The following CEP164 variants were observed in gnomAD, a reference collection of about 807,000 sequenced individuals.
CEP164 encodes the protein centrosomal protein of 164 kDa.
In CEP164, 162 loss-of-function variants were observed where a neutral mutation model predicts 182.7. The observed-to-expected ratio is 0.89, with a 90% confidence interval of 0.78 to 1.01. CEP164 has a LOEUF of 1.01. Among genes scored for constraint, CEP164 ranks in the 50% least tolerant of loss-of-function variants. The pLI is 0.00. For synonymous variants in CEP164, 661 were observed against 690.0 expected (o/e 0.96, Z 0.66); for missense variants, 1,735 against 1,790.4 (o/e 0.97, Z 0.56).
At chr11:117,358,070 T>C (rs1271522854) in intron 5 of CEP164, among the ~76,000 whole-genome samples, 1 of 152,238 alleles carries the variant, frequency 6.6e-6, no homozygotes, top group African/African-American at 2.4e-5. Flanking sequence ...TTCCCTCTGC[T>C]TCCTAATTGC....
chr11:117,395,511 G>A, intron 23 of CEP164, 36 bp from the exon 24 acceptor site: 10 of 1,582,144 alleles, frequency 6.3e-6, no homozygotes, highest in Non-Finnish European at 8.6e-6. Flanking sequence ...TCTCTGTGCT[G>A]TCTCTGGGTG....
intron 25 of CEP164, among the ~76,000 whole-genome samples, 174 bp from the exon 26 acceptor site, chr11:117,396,376 T>G (rs2045463683): frequency 6.6e-6 from 1 of 152,278 alleles, no homozygotes; most frequent in East Asian, 1.9e-4. Flanking sequence ...GGTCTGTTCT[T>G]ATTCCCAGCT....
chr11:117,355,268 A>G, intron 5 of CEP164: 1 of 1,289,842 alleles, frequency 7.8e-7, no homozygotes, highest in Non-Finnish European at 1.0e-6. Context: ...CCAGAAGGCG[A>G]CAGAGAAAAT....
In CEP164 at chr11:117,371,416, C is replaced by G; in HGVS notation, c.1102C>G (p.Pro368Ala). The G allele has an allele frequency of 6.2e-7, 1 of 1,613,906 alleles. No homozygotes were observed. The highest frequency in any genetic ancestry group is 8.5e-7 in the Non-Finnish European group (1 of 1,179,924). Residue 368 changes from proline to alanine, a missense_variant, in exon 9 of 33, where the codon CCA becomes GCA. Coordinates refer to ENST00000278935, the MANE Select transcript of CEP164 (RefSeq NM_014956.5). Reference sequence around the variant, plus strand: ...CAGGAGGGAAGAGGCAGCCAAGGAGCCAAAGAAGAAGGCTTCTGCTCTGGA... The same window carrying G: ...CAGGAGGGAAGAGGCAGCCAAGGAGGCAAAGAAGAAGGCTTCTGCTCTGGA... ...GSRREEAAKE[P>A]KKKASALEEG...
intron 5 of CEP164, among the ~76,000 whole-genome samples, chr11:117,353,264 C>T (rs1388820303): frequency 6.6e-6 from 1 of 152,216 alleles, no homozygotes; most frequent in East Asian, 1.9e-4. Flanking sequence ...CCAAGCTCCA[C>T]AGACACTTCT....
chr11:117,388,426 A>G (rs2044195418), intron 15 of CEP164, among the ~76,000 whole-genome samples: 1 of 152,222 alleles, frequency 6.6e-6, no homozygotes, highest in Non-Finnish European at 1.5e-5. Context: ...CACTGCCTTC[A>G]AGGCCTGGCT....
At chr11:117,410,155 G>T (rs189189401) in intron 30 of CEP164, 190 bp downstream of exon 30, 2 of 714,262 alleles carry the variant, frequency 2.8e-6, no homozygotes, top group South Asian at 3.0e-5. Flanking sequence ...CCTGGGGAAG[G>T]AGACATTGCA....
At chr11:117,391,912 C>T (rs373541016) in intron 17 of CEP164, among the ~76,000 whole-genome samples, 2 of 152,178 alleles carry the variant, frequency 1.3e-5, no homozygotes, top group Admixed American at 1.3e-4. Flanking sequence ...ACCTGGCCCC[C>T]CTGGCTTGGA....
intron 2 of CEP164, among the ~76,000 whole-genome samples, chr11:117,335,986 A>G (rs2037040590): frequency 1.3e-5 from 2 of 152,120 alleles, no homozygotes; most frequent in South Asian, 2.1e-4. Flanking sequence ...CTCATTAGCT[A>G]TCTGATCTAT....
chr11:117,324,481 T>C (rs187625938), upstream of CEP164, among the ~76,000 whole-genome samples: 949 of 151,314 alleles, frequency 6.3e-3, 9 homozygotes, highest in African/African-American at 0.018. Context: ...TTTGTTATTT[T>C]CCCCCCAAAG....
At chr11:117,397,796 C>T (rs965656649) in intron 27 of CEP164, among the ~76,000 whole-genome samples, 3 of 152,174 alleles carry the variant, frequency 2.0e-5, no homozygotes, top group African/African-American at 7.2e-5. Flanking sequence ...CACCAGGTCC[C>T]TCCCACAACA....
At chr11:117,392,977 G>A in intron 19 of CEP164, 27 bp from the exon 20 acceptor site, 2 of 1,611,694 alleles carry the variant, frequency 1.2e-6, no homozygotes, top group African/African-American at 1.3e-5. Flanking sequence ...GGTTCTTCAT[G>A]CCACATCCCT....
At chr11:117,331,981 AATAT>A (rs56696952) in intron 1 of CEP164, among the ~76,000 whole-genome samples, 11 of 142,294 alleles carry the variant, frequency 7.7e-5, no homozygotes, top group Admixed American at 2.1e-4. Context: ...ATGCCTGGCT[AATAT>A]ATATATATAT....
intron 5 of CEP164, among the ~76,000 whole-genome samples, chr11:117,352,221 T>C (rs1455875459): frequency 6.6e-6 from 1 of 152,138 alleles, no homozygotes; most frequent in African/African-American, 2.4e-5. Context: ...ACTTGGGAAG[T>C]GCATGTTACC....
At chr11:117,374,372 C>T (rs766995442) in intron 10 of CEP164, among the ~76,000 whole-genome samples, 2 of 152,082 alleles carry the variant, frequency 1.3e-5, no homozygotes, top group African/African-American at 2.4e-5. Flanking sequence ...CAGGTCTGTA[C>T]CTAAGGGGAA....
intron 2 of CEP164, among the ~76,000 whole-genome samples, chr11:117,337,841 AG>A (rs1429135954): frequency 3.3e-5 from 5 of 151,710 alleles, no homozygotes; most frequent in African/African-American, 1.2e-4. Flanking sequence ...GGTGTAGGAC[AG>A]GGTGGAGGCT....
intron 2 of CEP164, among the ~76,000 whole-genome samples, chr11:117,338,071 CTTCTGCT>C (rs1012316515): frequency 6.6e-6 from 1 of 151,946 alleles, no homozygotes; most frequent in African/African-American, 2.4e-5. Flanking sequence ...TCCCTTCTGC[CTTCTGCT>C]GCTCTTGAGG....
chr11:117,328,823 A>G (rs894439645), intron 1 of CEP164, among the ~76,000 whole-genome samples: 3 of 152,208 alleles, frequency 2.0e-5, no homozygotes, highest in Non-Finnish European at 4.4e-5. Flanking sequence ...GGGGCTGCCT[A>G]TTGGACGAGG....
intron 1 of CEP164, among the ~76,000 whole-genome samples, chr11:117,334,860 G>A (rs1347551996): frequency 6.6e-6 from 1 of 151,838 alleles, no homozygotes; most frequent in East Asian, 1.9e-4. Flanking sequence ...TGTGGACAGA[G>A]ACTACCTGTC....
Sources: gnomAD v4.1 joint callset for allele counts (sites outside exome capture counted in the v4.1 genomes callset) on GRCh38, gnomAD v4.1.1 for gene constraint, MANE v1.5 for transcripts, NCBI Gene and HGNC (gene_info 2026-07-23, HGNC 2026-07-21) for gene names.